Variants in STK32A observed in about 807,000 individuals in gnomAD.
STK32A encodes serine/threonine-protein kinase 32A.
In STK32A, 41 loss-of-function variants were observed where a neutral mutation model predicts 53.2. The ratio of observed to expected loss-of-function variants is 0.77; its 90% CI spans 0.60 to 1.00. The LOEUF (loss-of-function observed/expected upper bound fraction) is 1.00, where lower values mean the gene tolerates loss of function less well. Among genes scored for constraint, STK32A ranks in the 50% least tolerant of loss-of-function variants. The pLI is 0.00. For synonymous variants in STK32A, 166 were observed against 162.8 expected, an observed-to-expected ratio of 1.02 and a Z score of -0.15; for missense variants, 458 against 485.8, an observed-to-expected ratio of 0.94 and a Z score of 0.54.
chr5:147,275,702 C>T (rs7714123), intron 2 of STK32A, among the ~76,000 whole-genome samples: 129,442 of 152,096 alleles, frequency 0.85, 55,520 homozygotes, highest in African/African-American at 0.94. Context: ...TCAGACAGTA[C>T]GGCACTAGAC....
intron 8 of STK32A, among the ~76,000 whole-genome samples, chr5:147,363,659 C>T (rs4705167): frequency 0.46 from 69,914 of 152,002 alleles, 16,800 homozygotes; most frequent in East Asian, 0.64. Context: ...CAGCCTTTCT[C>T]CATAAATTCA....
intron 7 of STK32A, among the ~76,000 whole-genome samples, chr5:147,354,796 T>A (rs1288647134): frequency 6.6e-6 from 1 of 152,192 alleles, no homozygotes; most frequent in East Asian, 1.9e-4. Context: ...AAAGGAAGAT[T>A]AATGAGAAAT....
At chr5:147,343,082 G>C (rs758493311) in intron 6 of STK32A, 39 bp downstream of exon 6, 4 of 1,606,538 alleles carry the variant, frequency 2.5e-6, no homozygotes, top group Admixed American at 3.3e-5. Context: ...TACATGACAT[G>C]CATGTAGAAA....
intron 2 of STK32A, among the ~76,000 whole-genome samples, chr5:147,262,935 A>G (rs1275804227): frequency 1.3e-5 from 2 of 152,162 alleles, no homozygotes; most frequent in Admixed American, 6.5e-5. Context: ...AGCTAAAGTA[A>G]ATGACATTGT....
intron 2 of STK32A, among the ~76,000 whole-genome samples, chr5:147,267,029 CAA>C (rs60526828): frequency 3.1e-4 from 37 of 121,128 alleles, no homozygotes; most frequent in Admixed American, 3.2e-4. Context: ...AACTCCATCT[CAA>C]AAAAAAAAAA....
At chr5:147,370,605 T>C (rs776249458) in intron 8 of STK32A, 49 bp from the exon 9 acceptor site, 2 of 1,256,372 alleles carry the variant, frequency 1.6e-6, no homozygotes, top group Non-Finnish European at 2.2e-6. Context: ...AATTTTTTTT[T>C]TCTTTTGTCC....
intron 2 of STK32A, among the ~76,000 whole-genome samples, chr5:147,269,248 T>C (rs933371938): frequency 6.6e-6 from 1 of 152,208 alleles, no homozygotes; most frequent in South Asian, 2.1e-4. Context: ...AATTTTTCTG[T>C]TGTTCCACTA....
At chr5:147,260,024 C>T (rs185060103) in intron 2 of STK32A, among the ~76,000 whole-genome samples, 400 of 137,902 alleles carry the variant, frequency 2.9e-3, no homozygotes, top group African/African-American at 0.011. Flanking sequence ...TCTCTTTGTC[C>T]TCTCTCTTTC....
At chr5:147,278,037 CT>C in intron 2 of STK32A, 86 bp from the exon 3 acceptor site, 1 of 1,151,932 alleles carries the variant, frequency 8.7e-7, no homozygotes, top group East Asian at 2.6e-5. Flanking sequence ...AGACAAGATA[CT>C]TCAGTTTAGT....
intron 1 of STK32A, among the ~76,000 whole-genome samples, chr5:147,238,494 A>G (rs1407189706): frequency 6.6e-6 from 1 of 152,124 alleles, no homozygotes; most frequent in Non-Finnish European, 1.5e-5. Flanking sequence ...GCCTCTCTTT[A>G]CCATTATGTT....
At chr5:147,383,355 A>T in intron 11 of STK32A, 86 bp from the exon 12 acceptor site, 1 of 1,098,272 alleles carries the variant, frequency 9.1e-7, no homozygotes, top group Non-Finnish European at 1.4e-6. Flanking sequence ...TTCATTGAAT[A>T]GACTGTCACC....
chr5:147,377,494 T>C (rs776383034), intron 11 of STK32A, among the ~76,000 whole-genome samples: 1 of 152,170 alleles, frequency 6.6e-6, no homozygotes, highest in African/African-American at 2.4e-5. Flanking sequence ...TGATTTTTTT[T>C]CTGTTGCTAT....
rs543610680 is a variant in STK32A at position 147,324,071 on chromosome 5, G to A, written c.434G>A (p.Arg145Lys). Residue 145 changes from arginine to lysine, a missense_variant and splice_region_variant, in exon 5 of 13, where the codon AGG (arginine) becomes AAG (lysine). Arg to Lys is a conservative substitution (Grantham distance 26). Coordinates refer to ENST00000397936, the MANE Select transcript of STK32A (RefSeq NM_001112724.2). Reference sequence around the variant, plus strand: ...CTGCAGAACCAGCGCATCATTCACAGGTCAGTCAAGTCCAAGGAGATGGCC... The same window carrying A: ...CTGCAGAACCAGCGCATCATTCACAAGTCAGTCAAGTCCAAGGAGATGGCC... ...DYLQNQRIIH[R>K]DMKPDNILLD... 1.3e-6 allele frequency: 2 copies of A among 1,599,340 alleles called. No homozygotes were observed. Among genetic ancestry groups the A allele is most frequent in the East Asian group, 2.3e-5 (1 of 44,434 alleles).
chr5:147,346,842 A>G (rs1755716017), intron 6 of STK32A, among the ~76,000 whole-genome samples: 1 of 152,196 alleles, frequency 6.6e-6, no homozygotes, highest in South Asian at 2.1e-4. Flanking sequence ...ATCATCTGTC[A>G]CTTAGGTTTC....
At chr5:147,357,960 C>A (rs771606822) in intron 7 of STK32A, among the ~76,000 whole-genome samples, 2 of 151,858 alleles carry the variant, frequency 1.3e-5, no homozygotes, top group Non-Finnish European at 2.9e-5. Context: ...ACATGGGATG[C>A]GGGACTCTTT....
At chr5:147,249,696 T>C (rs1753899382) in intron 2 of STK32A, among the ~76,000 whole-genome samples, 1 of 151,880 alleles carries the variant, frequency 6.6e-6, no homozygotes, top group South Asian at 2.1e-4. Flanking sequence ...GTGGATCGCC[T>C]GAGGTCAGGA....
At chr5:147,249,172 A>G (rs534433616) in intron 2 of STK32A, among the ~76,000 whole-genome samples, 8 of 151,876 alleles carry the variant, frequency 5.3e-5, no homozygotes, top group Non-Finnish European at 7.4e-5. Context: ...CATTTTTTGT[A>G]TGTGTGTATG....
intron 2 of STK32A, among the ~76,000 whole-genome samples, chr5:147,267,664 C>T (rs1014758485): frequency 6.6e-6 from 1 of 152,142 alleles, no homozygotes; most frequent in Non-Finnish European, 1.5e-5. Flanking sequence ...TAATCATTTA[C>T]AGATACTTAT....
At chr5:147,301,059 A>G (rs1323166316) in intron 4 of STK32A, among the ~76,000 whole-genome samples, 1 of 152,220 alleles carries the variant, frequency 6.6e-6, no homozygotes, top group African/African-American at 2.4e-5. Flanking sequence ...ATGGAAATTC[A>G]CAGAAAGGGG....
Sources: gnomAD v4.1 joint callset for allele counts (sites outside exome capture counted in the v4.1 genomes callset) on GRCh38, gnomAD v4.1.1 for gene constraint, MANE v1.5 for transcripts, NCBI Gene and HGNC (gene_info 2026-07-23, HGNC 2026-07-21) for gene names.